Variants in FBN1 observed in about 807,000 individuals in gnomAD.
FBN1 encodes fibrillin-1.
Under a neutral mutation model 365.1 loss-of-function variants are expected in FBN1, and 29 were observed. That is an observed-to-expected ratio of 0.08 (90% CI 0.06 to 0.11). The LOEUF is 0.11. Among genes scored for constraint, FBN1 ranks in the 10% least tolerant of loss-of-function variants. The pLI, the probability that FBN1 is intolerant of heterozygous loss-of-function variation, is 1.00. For missense variants in FBN1, 2,476 were observed against 3,703.2 expected (o/e 0.67, Z 8.60); for synonymous variants, 1,210 against 1,270.5 (o/e 0.95, Z 1.01).
chr15:48,626,463 A>C (rs1278004382), intron 2 of FBN1, among the ~76,000 whole-genome samples: 2 of 152,212 alleles, frequency 1.3e-5, no homozygotes, highest in South Asian at 4.1e-4. Context: ...AAAGCTTCAG[A>C]GATCTTGTAG....
In FBN1 at chr15:48,537,509, T is replaced by C. The variant is rs1254621927; in HGVS notation, c.736+102A>G. 8.4e-6 allele frequency: 12 copies of C among 1,428,564 alleles called. No homozygotes were observed. In the African/African-American group the frequency reaches 8.4e-5, roughly 10 times the overall value. The allele number at this position is 1,428,564 out of a possible 1,614,324, so 88.5% of individuals were successfully genotyped here. ...TGCAGTCAGCGAAATTGTGAAGTTA[T>C]GTAGCTGACACTACTTTTCCATTCT... On this transcript the variant is annotated intron_variant, in intron 7 of 65. Coordinates refer to ENST00000316623, the MANE Select transcript of FBN1 (RefSeq NM_000138.5).
chr15:48,587,140 C>T (rs764855158), intron 6 of FBN1, among the ~76,000 whole-genome samples: 12 of 152,102 alleles, frequency 7.9e-5, no homozygotes, highest in Non-Finnish European at 1.8e-4. Context: ...GGCACATCGT[C>T]GGGACCATGA....
rs912625121 is a variant in FBN1 at position 48,550,401 on chromosome 15, G to A, written c.539-12593C>T. ...CACAGGGCCACAGACTCAGGGCAGCGGGGATTACAGAGTATCCCTCACACC... is the reference window on the plus strand; with the variant it reads ...CACAGGGCCACAGACTCAGGGCAGCAGGGATTACAGAGTATCCCTCACACC... On this transcript the variant is annotated intron_variant, in intron 6 of 65. Transcript: ENST00000316623. Among the ~76,000 whole-genome samples the A allele has an allele frequency of 1.1e-4, 16 of 152,184 alleles. No homozygotes were observed. The South Asian group carries it at 2.7e-3, about 26-fold the overall frequency.
chr15:48,445,176 ATATATATG>A (rs2043146237), intron 48 of FBN1, among the ~76,000 whole-genome samples, 192 bp downstream of exon 48: 2 of 139,072 alleles, frequency 1.4e-5, no homozygotes, highest in African/African-American at 5.3e-5. Flanking sequence ...ATACACACAT[ATATATATG>A]TATATATATA....
intron 44 of FBN1, among the ~76,000 whole-genome samples, chr15:48,454,037 T>C (rs1467633091): frequency 6.6e-6 from 1 of 152,228 alleles, no homozygotes; most frequent in Admixed American, 6.5e-5. Flanking sequence ...GCCTTGTATT[T>C]ACTCAAAGAT....
At chr15:48,644,516 G>A in intron 2 of FBN1, 90 bp downstream of exon 2, 1 of 1,585,540 alleles carries the variant, frequency 6.3e-7, no homozygotes, top group East Asian at 2.2e-5. Flanking sequence ...TCTTGCCAAG[G>A]AGTCTTCCAC....
intron 13 of FBN1, among the ~76,000 whole-genome samples, chr15:48,510,999 G>A (rs1430886230): frequency 6.6e-6 from 1 of 152,142 alleles, no homozygotes; most frequent in Non-Finnish European, 1.5e-5. Flanking sequence ...GTCTACACAG[G>A]CACACAATCA....
intron 20 of FBN1, 110 bp from the exon 21 acceptor site, chr15:48,495,698 A>G: frequency 7.1e-7 from 1 of 1,402,024 alleles, no homozygotes; most frequent in Admixed American, 1.7e-5. Flanking sequence ...CACACAGTAA[A>G]GCTGGGCTAA....
chr15:48,465,099 T>C (rs1300129880), intron 40 of FBN1, among the ~76,000 whole-genome samples: 2 of 152,154 alleles, frequency 1.3e-5, no homozygotes, highest in Non-Finnish European at 2.9e-5. Flanking sequence ...TAACACAGGA[T>C]GAACAAGGGC....
At chr15:48,449,401 T>C (rs1457883883) in intron 45 of FBN1, among the ~76,000 whole-genome samples, 1 of 152,226 alleles carries the variant, frequency 6.6e-6, no homozygotes, top group African/African-American at 2.4e-5. Flanking sequence ...CTTATGCCTG[T>C]AACTTTTTGT....
chr15:48,634,953 A>C (rs993269886), intron 2 of FBN1, among the ~76,000 whole-genome samples: 1 of 151,238 alleles, frequency 6.6e-6, no homozygotes, highest in Non-Finnish European at 1.5e-5. Context: ...TAAAGATATT[A>C]CCATACTTCA....
intron 55 of FBN1, 135 bp from the exon 56 acceptor site, chr15:48,430,937 T>C (rs2043019219): frequency 1.2e-6 from 1 of 832,630 alleles, no homozygotes. Flanking sequence ...TATTTCCTTC[T>C]GCTCTGTTGA....
intron 16 of FBN1, among the ~76,000 whole-genome samples, chr15:48,504,172 G>A (rs1281768361): frequency 6.6e-6 from 1 of 152,204 alleles, no homozygotes; most frequent in Non-Finnish European, 1.5e-5. Flanking sequence ...TTTCTAGGGA[G>A]TATCATGGTT....
At chr15:48,435,814 A>G (rs76383937) in intron 53 of FBN1, among the ~76,000 whole-genome samples, 159 of 132,840 alleles carry the variant, frequency 1.2e-3, no homozygotes, top group Middle Eastern at 8.5e-3. Flanking sequence ...GTGTGTGTAT[A>G]TATGCCTTCT....
chr15:48,536,463 C>T (rs2044014869), intron 7 of FBN1, among the ~76,000 whole-genome samples: 1 of 152,194 alleles, frequency 6.6e-6, no homozygotes, highest in Non-Finnish European at 1.5e-5. Flanking sequence ...TATTAGCTAA[C>T]TTTGTAATCC....
intron 43 of FBN1, among the ~76,000 whole-genome samples, chr15:48,457,590 G>A (rs1353274469): frequency 6.6e-6 from 1 of 152,066 alleles, no homozygotes; most frequent in Non-Finnish European, 1.5e-5. Context: ...AGCCTGGAGT[G>A]GTCCCATCTC....
intron 24 of FBN1, among the ~76,000 whole-genome samples, chr15:48,491,505 C>T (rs953062504): frequency 4.6e-5 from 7 of 152,200 alleles, no homozygotes; most frequent in South Asian, 2.1e-4. Flanking sequence ...TGCCCGCCAC[C>T]GTGCCTGGCT....
At chr15:48,538,131 A>C (rs750080993) in intron 6 of FBN1, among the ~76,000 whole-genome samples, 1 of 152,220 alleles carries the variant, frequency 6.6e-6, no homozygotes, top group African/African-American at 2.4e-5. Context: ...TTATCCACTC[A>C]TTACTTAAGA....
chr15:48,446,857 A>T (rs758392499), intron 46 of FBN1, 35 bp from the exon 47 acceptor site: 2 of 1,424,416 alleles, frequency 1.4e-6, no homozygotes, highest in East Asian at 4.6e-5. Context: ...AAACATAATT[A>T]TAAGTAGAAA....
Sources: allele counts gnomAD v4.1 joint callset (sites outside exome capture counted in the v4.1 genomes callset), GRCh38; gene constraint gnomAD v4.1.1; transcripts MANE v1.5; gene names NCBI Gene and HGNC (gene_info 2026-07-23, HGNC 2026-07-21).